Variants in LRRC28 observed in about 807,000 individuals in gnomAD.
LRRC28 encodes leucine-rich repeat-containing protein 28.
Under a neutral mutation model 45.7 loss-of-function variants are expected in LRRC28, and 39 were observed. That is an observed-to-expected ratio of 0.85 (90% CI 0.66 to 1.12). The LOEUF (loss-of-function observed/expected upper bound fraction) is 1.12. LRRC28 is among the 50% of genes most tolerant of loss of function. The pLI is 0.00. For missense variants in LRRC28, 435 were observed against 438.5 expected (o/e 0.99, Z 0.07); for synonymous variants, 206 against 178.8 (o/e 1.15, Z -1.22).
intron 9 of LRRC28, among the ~76,000 whole-genome samples, chr15:99,378,136 T>C (rs972346282): frequency 3.0e-4 from 46 of 152,208 alleles, no homozygotes; most frequent in Non-Finnish European, 5.4e-4. Flanking sequence ...CCTTGGGCAG[T>C]ATGGCCATTT....
intron 5 of LRRC28, among the ~76,000 whole-genome samples, chr15:99,297,729 T>C (rs1427244581): frequency 6.6e-6 from 1 of 151,560 alleles, no homozygotes; most frequent in Non-Finnish European, 1.5e-5. Context: ...AATTGTGATA[T>C]AATAGATAAA....
At chr15:99,345,192 G>T (rs1471234275) in intron 6 of LRRC28, among the ~76,000 whole-genome samples, 11 of 151,682 alleles carry the variant, frequency 7.3e-5, no homozygotes, top group Non-Finnish European at 1.6e-4. Flanking sequence ...TCAAACCCCA[G>T]TTGTCGGACT....
intron 2 of LRRC28, among the ~76,000 whole-genome samples, chr15:99,273,872 T>C (rs893163070): frequency 3.3e-5 from 5 of 152,246 alleles, no homozygotes; most frequent in African/African-American, 1.2e-4. Context: ...CATTTCTTTT[T>C]GGACAAATCT....
chr15:99,366,122 G>A (rs1957333868), intron 9 of LRRC28, among the ~76,000 whole-genome samples: 1 of 152,190 alleles, frequency 6.6e-6, no homozygotes, highest in East Asian at 1.9e-4. Context: ...ACAAAGTGCT[G>A]CAAACTGGGT....
intron 9 of LRRC28, among the ~76,000 whole-genome samples, chr15:99,382,856 T>C (rs1169358333): frequency 6.6e-6 from 1 of 152,056 alleles, no homozygotes; most frequent in African/African-American, 2.4e-5. Context: ...TTATACTAAT[T>C]TTCTATCTAG....
chr15:99,362,650 T>G (rs1346767858), intron 8 of LRRC28, among the ~76,000 whole-genome samples: 2 of 152,212 alleles, frequency 1.3e-5, no homozygotes, highest in African/African-American at 2.4e-5. Context: ...CTCCTTTTCA[T>G]TCTCTTCAAT....
intron 3 of LRRC28, among the ~76,000 whole-genome samples, chr15:99,282,525 C>A (rs576851974): frequency 1.3e-5 from 2 of 152,092 alleles, no homozygotes; most frequent in South Asian, 4.2e-4. Flanking sequence ...TTTTACTGTA[C>A]CTTTTCTATG....
chr15:99,273,537 G>C (rs1389647644), intron 2 of LRRC28, among the ~76,000 whole-genome samples: 1 of 150,200 alleles, frequency 6.7e-6, no homozygotes, highest in Admixed American at 6.6e-5. Context: ...GTGCCCGGCC[G>C]TGTCTGTGTG....
At chr15:99,293,057 G>C (rs1229653778) in intron 5 of LRRC28, among the ~76,000 whole-genome samples, 1 of 152,108 alleles carries the variant, frequency 6.6e-6, no homozygotes, top group Non-Finnish European at 1.5e-5. Flanking sequence ...GTATGTTTTA[G>C]TGTTCTGCTT....
chr15:99,299,724 C>T (rs1206538089), intron 5 of LRRC28, among the ~76,000 whole-genome samples: 1 of 151,918 alleles, frequency 6.6e-6, no homozygotes, highest in African/African-American at 2.4e-5. Context: ...TGTTATGAAC[C>T]CCCCCACTCA....
At chr15:99,299,086 C>T (rs1409527325) in intron 5 of LRRC28, among the ~76,000 whole-genome samples, 1 of 152,176 alleles carries the variant, frequency 6.6e-6, no homozygotes, top group East Asian at 1.9e-4. Context: ...CGTTTGCTAT[C>T]TTGGCAAAAT....
intron 6 of LRRC28, chr15:99,338,345 GAGA>G (rs1956395898): frequency 6.6e-6 from 1 of 152,416 alleles, no homozygotes; most frequent in Admixed American, 6.5e-5. Context: ...AACTATCTGG[GAGA>G]GAGTCAAACA....
chr15:99,381,177 C>T (rs980441096), intron 9 of LRRC28, among the ~76,000 whole-genome samples: 3 of 152,164 alleles, frequency 2.0e-5, no homozygotes, highest in Non-Finnish European at 4.4e-5. Context: ...ACCAATCAGA[C>T]GTAGATTTGG....
chr15:99,268,725 A>G (rs2081396359), intron 2 of LRRC28, among the ~76,000 whole-genome samples: 1 of 152,184 alleles, frequency 6.6e-6, no homozygotes, highest in Non-Finnish European at 1.5e-5. Context: ...GCTAGGTGTA[A>G]TCTTAAATCA....
chr15:99,343,085 G>T (rs1309563325), intron 6 of LRRC28, among the ~76,000 whole-genome samples: 1 of 152,172 alleles, frequency 6.6e-6, no homozygotes. Context: ...ACATTTTATA[G>T]TATTTAAAGC....
At chr15:99,268,910 G>T (rs1372008742) in intron 2 of LRRC28, among the ~76,000 whole-genome samples, 1 of 152,080 alleles carries the variant, frequency 6.6e-6, no homozygotes, top group African/African-American at 2.4e-5. Flanking sequence ...CCTTGTTTCC[G>T]ACATTTACAT....
chr15:99,352,404 G>A lies in LRRC28; in HGVS notation c.628G>A (p.Val210Met), dbSNP rs769162840. The A allele has an allele frequency of 1.2e-6, 2 of 1,613,890 alleles. No individual in the cohort carries two copies. The highest frequency in any genetic ancestry group is 1.1e-5 in the South Asian group (1 of 91,066). ...ATCTCGAGAACTACAGTATGTATAC[G>A]TGGATAACAACATTCACCTGAAAGG... The part of the protein sequence containing the change: ...GRSRELQYVY[V>M]DNNIHLKGLP... The change falls in exon 7 of 10, where the codon GTG becomes ATG. Residue 210 changes from valine (V) to methionine (M), a missense_variant. By Grantham distance (21) the Val-to-Met change is conservative. Transcript: ENST00000301981.
intron 9 of LRRC28, among the ~76,000 whole-genome samples, chr15:99,383,008 C>G (rs1432407041): frequency 6.6e-6 from 1 of 152,074 alleles, no homozygotes; most frequent in Non-Finnish European, 1.5e-5. Flanking sequence ...TTAAAGTATA[C>G]AACTCAGTGT....
At chr15:99,297,095 C>T (rs546307505) in intron 5 of LRRC28, among the ~76,000 whole-genome samples, 5 of 150,436 alleles carry the variant, frequency 3.3e-5, no homozygotes, top group African/African-American at 9.8e-5. Context: ...GCAGGAGAAT[C>T]GCCTGAACCC....
Sources: gnomAD v4.1 joint callset for allele counts (sites outside exome capture counted in the v4.1 genomes callset) on GRCh38, gnomAD v4.1.1 for gene constraint, MANE v1.5 for transcripts, NCBI Gene and HGNC (gene_info 2026-07-23, HGNC 2026-07-21) for gene names.